Variants in ANKRD6 observed in about 807,000 individuals in gnomAD.
ANKRD6 encodes the protein ankyrin repeat domain-containing protein 6.
A neutral mutation model predicts 82.3 loss-of-function variants in ANKRD6; 56 were observed. The ratio of observed to expected loss-of-function variants is 0.68; its 90% confidence interval spans 0.55 to 0.85. The LOEUF (loss-of-function observed/expected upper bound fraction) is 0.85, where lower values mean the gene tolerates loss of function less well. Ranked by LOEUF, ANKRD6 falls within the 40% of genes least tolerant of loss-of-function variation. The probability of loss-of-function intolerance (pLI) is 0.00; values close to 1 mark genes in which losing one functional copy is unlikely to be tolerated. For missense variants in ANKRD6, 852 were observed against 907.6 expected (o/e 0.94, Z 0.79); for synonymous variants, 347 against 352.1 (o/e 0.99, Z 0.16).
intron 4 of ANKRD6, among the ~76,000 whole-genome samples, chr6:89,605,572 C>T (rs1490261951): frequency 6.6e-6 from 1 of 152,168 alleles, no homozygotes; most frequent in Non-Finnish European, 1.5e-5. Context: ...CTTCCTTTGC[C>T]TGATCTTTGC....
intron 1 of ANKRD6, among the ~76,000 whole-genome samples, chr6:89,497,063 TC>T (rs1778717843): frequency 6.6e-6 from 1 of 152,206 alleles, no homozygotes; most frequent in Admixed American, 6.5e-5. Flanking sequence ...AGGGATGCTT[TC>T]TCTCTGAACT....
intron 1 of ANKRD6, among the ~76,000 whole-genome samples, chr6:89,438,669 A>G (rs1770952941): frequency 6.6e-6 from 1 of 151,970 alleles, no homozygotes; most frequent in Non-Finnish European, 1.5e-5. Flanking sequence ...TTTAGACAAA[A>G]TCTCGCTCTG....
chr6:89,456,122 G>A (rs1308158338), intron 1 of ANKRD6, among the ~76,000 whole-genome samples: 1 of 152,130 alleles, frequency 6.6e-6, no homozygotes, highest in African/African-American at 2.4e-5. Flanking sequence ...TGATCCACCC[G>A]CTTTGGCCTC....
intron 2 of ANKRD6, among the ~76,000 whole-genome samples, chr6:89,580,351 A>G (rs1335495488): frequency 1.3e-5 from 2 of 152,064 alleles, no homozygotes; most frequent in East Asian, 1.9e-4. Flanking sequence ...GCTGGTAACT[A>G]CTGTACTCCA....
At chr6:89,554,252 G>A (rs1177660877) in intron 1 of ANKRD6, among the ~76,000 whole-genome samples, 1 of 152,224 alleles carries the variant, frequency 6.6e-6, no homozygotes, top group East Asian at 1.9e-4. Flanking sequence ...CTCTGGAGGA[G>A]ACTGTTCCCT....
chr6:89,447,966 C>A (rs978607077), intron 1 of ANKRD6, among the ~76,000 whole-genome samples: 25 of 151,730 alleles, frequency 1.6e-4, no homozygotes, highest in African/African-American at 5.8e-4. Flanking sequence ...GGATTACAGG[C>A]GTGAGCCACT....
At chr6:89,551,112 T>G (rs750479831) in intron 1 of ANKRD6, among the ~76,000 whole-genome samples, 20 of 152,230 alleles carry the variant, frequency 1.3e-4, no homozygotes, top group Admixed American at 3.3e-4. Flanking sequence ...CCTTTGTTAA[T>G]TCAGCAAATA....
intron 1 of ANKRD6, among the ~76,000 whole-genome samples, chr6:89,543,488 T>G (rs1429725213): frequency 6.6e-6 from 1 of 152,188 alleles, no homozygotes; most frequent in Non-Finnish European, 1.5e-5. Context: ...AACCACCATT[T>G]TAGATCCTGT....
chr6:89,513,043 G>A (rs916650368), intron 1 of ANKRD6, among the ~76,000 whole-genome samples: 1 of 151,780 alleles, frequency 6.6e-6, no homozygotes, highest in East Asian at 1.9e-4. Flanking sequence ...TCCTGCCTCC[G>A]CTTCCTGAGT....
chr6:89,507,037 G>T (rs1421126254), intron 1 of ANKRD6, among the ~76,000 whole-genome samples: 4 of 152,174 alleles, frequency 2.6e-5, no homozygotes, highest in Non-Finnish European at 5.9e-5. Flanking sequence ...TATTTTCCAA[G>T]CTTATCTCTA....
rs570088450 is a variant in ANKRD6 at position 89,611,746 on chromosome 6, G to A, written c.418-526G>A. 3.9e-5 allele frequency among the ~76,000 whole-genome samples: 6 copies of A among 152,342 alleles called. No homozygotes were observed. The South Asian group carries it at 1.2e-3, about 32-fold the overall frequency. ...ATACAAGAATGGGTGACTTGAAAAA[G>A]GCTAACAAGTTAAATCTCAGTTGCA... On this transcript the variant is annotated intron_variant, in intron 5 of 15. Transcript: ENST00000339746.
At chr6:89,471,895 C>T (rs541646341) in intron 1 of ANKRD6, among the ~76,000 whole-genome samples, 11 of 137,540 alleles carry the variant, frequency 8.0e-5, no homozygotes, top group East Asian at 7.2e-4. Context: ...GATGAGGTCA[C>T]GCCATTGCAC....
intron 1 of ANKRD6, among the ~76,000 whole-genome samples, chr6:89,439,725 G>T (rs542993574): frequency 3.1e-4 from 47 of 152,146 alleles, no homozygotes; most frequent in African/African-American, 1.1e-3. Context: ...CCGAGACAGG[G>T]TCTCATTCTG....
At chr6:89,449,394 G>A (rs1048268356) in intron 1 of ANKRD6, among the ~76,000 whole-genome samples, 2 of 152,142 alleles carry the variant, frequency 1.3e-5, no homozygotes, top group African/African-American at 4.8e-5. Flanking sequence ...TGCTTTTTAT[G>A]GATGAGCAAA....
intron 1 of ANKRD6, chr6:89,505,104 G>C (rs1357622917): frequency 6.6e-6 from 1 of 152,136 alleles, no homozygotes; most frequent in African/African-American, 2.4e-5. Context: ...TTCTCTGCAG[G>C]CAGAGTTGGT....
intron 1 of ANKRD6, among the ~76,000 whole-genome samples, chr6:89,445,225 A>G (rs1269113918): frequency 2.2e-5 from 3 of 137,624 alleles, no homozygotes; most frequent in Non-Finnish European, 4.8e-5. Flanking sequence ...CTTTATTATT[A>G]TGAAAAATTG....
At chr6:89,543,300 C>T (rs1021222849) in intron 1 of ANKRD6, among the ~76,000 whole-genome samples, 1 of 152,160 alleles carries the variant, frequency 6.6e-6, no homozygotes, top group African/African-American at 2.4e-5. Context: ...GGAGGGTGTT[C>T]TGACTCTTCC....
chr6:89,523,609 C>A (rs959198605), intron 1 of ANKRD6, among the ~76,000 whole-genome samples: 1 of 152,108 alleles, frequency 6.6e-6, no homozygotes, highest in Non-Finnish European at 1.5e-5. Context: ...ACCATAAGTC[C>A]AGTATTTCCT....
rs149224371 is a variant in ANKRD6, at chr6:89,609,587, C to T, written c.418-2685C>T. 9.2e-3 allele frequency among the ~76,000 whole-genome samples: 1,397 copies of T among 151,992 alleles called. 8 individuals are homozygous for T. Among genetic ancestry groups the T allele is most frequent in the Non-Finnish European group, 0.015 (1,038 of 67,966 alleles). ...AAAGTGCTGGGATTACAGGAGTGAG[C>T]CACCGAACCCGGCCTGTAATCACCA... On this transcript the variant is annotated intron_variant, in intron 5 of 15. Coordinates refer to ENST00000339746, the MANE Select transcript of ANKRD6 (RefSeq NM_001242809.2).
Sources: allele counts gnomAD v4.1 joint callset (sites outside exome capture counted in the v4.1 genomes callset), GRCh38; gene constraint gnomAD v4.1.1; transcripts MANE v1.5; gene names NCBI Gene and HGNC (gene_info 2026-07-23, HGNC 2026-07-21).